The following ST6GALNAC3 variants were observed in gnomAD, a reference collection of about 807,000 sequenced individuals.
The protein encoded by ST6GALNAC3 is alpha-N-acetylgalactosaminide alpha-2,6-sialyltransferase 3.
In ST6GALNAC3, 25 loss-of-function variants were observed where a neutral mutation model predicts 32.7. That is an observed-to-expected ratio of 0.76 (90% CI 0.56 to 1.07). The LOEUF is 1.07. Ranked by LOEUF, ST6GALNAC3 falls within the 50% of genes least tolerant of loss-of-function variation. The pLI is 0.00. For missense variants in ST6GALNAC3, 355 were observed against 382.4 expected (o/e 0.93, Z 0.60); for synonymous variants, 129 against 133.1 (o/e 0.97, Z 0.21).
At chr1:76,181,527 G>T (rs536634184) in intron 1 of ST6GALNAC3, among the ~76,000 whole-genome samples, 1 of 152,148 alleles carries the variant, frequency 6.6e-6, no homozygotes, top group African/African-American at 2.4e-5. Context: ...AATTACATAG[G>T]GTTTGTGAAG....
intron 3 of ST6GALNAC3, among the ~76,000 whole-genome samples, chr1:76,624,375 A>G (rs1648832635): frequency 6.6e-6 from 1 of 151,924 alleles, no homozygotes; most frequent in Admixed American, 6.6e-5. Context: ...GAACATAGAT[A>G]TATAGAGAAG....
chr1:76,146,816 G>A (rs1484633216), intron 1 of ST6GALNAC3, among the ~76,000 whole-genome samples: 4 of 152,156 alleles, frequency 2.6e-5, no homozygotes, highest in African/African-American at 9.7e-5. Flanking sequence ...CTGCCAGGAG[G>A]GGTTGGGTGG....
chr1:76,116,526 T>C (rs6657466), intron 1 of ST6GALNAC3, among the ~76,000 whole-genome samples: 3,897 of 152,194 alleles, frequency 0.026, 121 homozygotes, highest in Admixed American at 0.073. Context: ...ATTTGATTCC[T>C]TGGGGGTGTT....
chr1:76,342,785 G>A (rs2100997627), intron 2 of ST6GALNAC3, among the ~76,000 whole-genome samples: 1 of 151,838 alleles, frequency 6.6e-6, no homozygotes, highest in Non-Finnish European at 1.5e-5. Context: ...GTATGAGATG[G>A]TGTCTCATTG....
At chr1:76,465,347 A>G (rs1017317932) in intron 3 of ST6GALNAC3, among the ~76,000 whole-genome samples, 17 of 152,164 alleles carry the variant, frequency 1.1e-4, no homozygotes, top group East Asian at 5.8e-4. Context: ...TCCATTGGAA[A>G]CAAGCATTTT....
intron 3 of ST6GALNAC3, among the ~76,000 whole-genome samples, chr1:76,572,104 G>T (rs1391798965): frequency 6.7e-6 from 1 of 149,102 alleles, no homozygotes; most frequent in Non-Finnish European, 1.5e-5. Flanking sequence ...CAGAATTGTT[G>T]CTATCATTCC....
At chr1:76,507,304 A>T (rs1661537534) in intron 3 of ST6GALNAC3, among the ~76,000 whole-genome samples, 1 of 152,196 alleles carries the variant, frequency 6.6e-6, no homozygotes, top group Non-Finnish European at 1.5e-5. Context: ...CACATGCTAT[A>T]TAATTTACCC....
chr1:76,547,929 A>C (rs1452662305), intron 3 of ST6GALNAC3, among the ~76,000 whole-genome samples: 1 of 151,436 alleles, frequency 6.6e-6, no homozygotes, highest in African/African-American at 2.4e-5. Flanking sequence ...TTCTTGTTTT[A>C]TAGAAGGAGT....
chr1:76,237,763 G>T (rs989840920), intron 1 of ST6GALNAC3, among the ~76,000 whole-genome samples: 1 of 152,086 alleles, frequency 6.6e-6, no homozygotes, highest in African/African-American at 2.4e-5. Flanking sequence ...AGATGGAAAC[G>T]CTGGTTTCAG....
intron 1 of ST6GALNAC3, among the ~76,000 whole-genome samples, chr1:76,222,851 A>T (rs558067333): frequency 1.3e-5 from 2 of 152,284 alleles, no homozygotes; most frequent in South Asian, 2.1e-4. Flanking sequence ...CCACAATGAG[A>T]TACCATCTTG....
chr1:76,158,711 G>T (rs17098221), intron 1 of ST6GALNAC3, among the ~76,000 whole-genome samples: 1,703 of 152,308 alleles, frequency 0.011, 31 homozygotes, highest in East Asian at 0.045. Context: ...GTATAAGACA[G>T]TTAGCACAGG....
intron 3 of ST6GALNAC3, among the ~76,000 whole-genome samples, chr1:76,504,164 A>G (rs985608017): frequency 3.9e-5 from 6 of 152,146 alleles, no homozygotes; most frequent in African/African-American, 1.4e-4. Context: ...CTGAGAGGCA[A>G]TGTGTCCCAT....
chr1:76,147,676 C>T (rs1174636941), intron 1 of ST6GALNAC3, among the ~76,000 whole-genome samples: 1 of 152,224 alleles, frequency 6.6e-6, no homozygotes, highest in Non-Finnish European at 1.5e-5. Context: ...TGCTGTGTCC[C>T]AAGCACCTAC....
intron 1 of ST6GALNAC3, among the ~76,000 whole-genome samples, chr1:76,305,350 A>G (rs1480870634): frequency 1.3e-5 from 2 of 152,120 alleles, no homozygotes; most frequent in East Asian, 1.9e-4. Flanking sequence ...GATGTGATAT[A>G]GTAAAAGAAA....
intron 1 of ST6GALNAC3, among the ~76,000 whole-genome samples, chr1:76,132,461 A>G (rs1310651569): frequency 6.6e-6 from 1 of 152,094 alleles, no homozygotes; most frequent in African/African-American, 2.4e-5. Flanking sequence ...GAGGTCCTTC[A>G]TCTCTAATTT....
At chr1:76,608,899 TGGTG>T (rs1647742700) in intron 3 of ST6GALNAC3, among the ~76,000 whole-genome samples, 1 of 152,122 alleles carries the variant, frequency 6.6e-6, no homozygotes, top group Admixed American at 6.6e-5. Context: ...TTAGTAAAAC[TGGTG>T]GTCCAGTCTT....
intron 3 of ST6GALNAC3, among the ~76,000 whole-genome samples, chr1:76,489,279 C>G (rs7520183): frequency 0.13 from 19,085 of 151,856 alleles, 1,295 homozygotes; most frequent in African/African-American, 0.15. Flanking sequence ...ACATATTTTG[C>G]AGGTGTGTGT....
At chr1:76,171,816 AC>A (rs148842426) in intron 1 of ST6GALNAC3, among the ~76,000 whole-genome samples, 42 of 43,842 alleles carry the variant, frequency 9.6e-4, no homozygotes, top group South Asian at 1.9e-3. Context: ...CAAAACAACA[AC>A]AAAAAAAAAA....
At chr1:76,352,931 A>G (rs1245735383) in intron 2 of ST6GALNAC3, among the ~76,000 whole-genome samples, 1 of 151,998 alleles carries the variant, frequency 6.6e-6, no homozygotes, top group Admixed American at 6.6e-5. Context: ...AAACCTGTCC[A>G]CTTCTCTTGA....
Sources: allele counts gnomAD v4.1 joint callset (sites outside exome capture counted in the v4.1 genomes callset), GRCh38; gene constraint gnomAD v4.1.1; transcripts MANE v1.5; gene names NCBI Gene and HGNC (gene_info 2026-07-23, HGNC 2026-07-21).